The following LGMN variants were observed in gnomAD, a reference collection of about 807,000 sequenced individuals.
The protein encoded by LGMN is asparaginyl endopeptidase.
In LGMN, 36 loss-of-function variants were observed where a neutral mutation model predicts 56.8. The ratio of observed to expected loss-of-function variants is 0.63; its 90% CI spans 0.49 to 0.84. The LOEUF is 0.84. LGMN is among the 40% of genes least tolerant of loss of function. LGMN has a pLI of 0.00. For missense variants in LGMN, 446 were observed against 556.1 expected (o/e 0.80, Z 1.99); for synonymous variants, 199 against 210.1 (o/e 0.95, Z 0.46).
intron 2 of LGMN, among the ~76,000 whole-genome samples, chr14:92,730,548 T>A (rs980799471): frequency 2.6e-5 from 4 of 152,210 alleles, no homozygotes; most frequent in Non-Finnish European, 4.4e-5. Flanking sequence ...CACTTCAGCC[T>A]CCAGAGTAGC....
chr14:92,742,292 C>CTTTTTTTTTTTTTTTTTT lies in LGMN; in HGVS notation c.-30+6196_-30+6197insAAAAAAAAAAAAAAAAAA, dbSNP rs756259014. ...AAATGTCTTGCTGTTTTTTGTTTTG[C>CTTTTTTTTTTTTTTTTTT]TTTTTTTTTTTTTCTTTTTTTTTGA... On this transcript the variant is annotated intron_variant, in intron 1 of 13. Coordinates refer to ENST00000334869, the MANE Select transcript of LGMN (RefSeq NM_005606.7). Among the ~76,000 whole-genome samples the CTTTTTTTTTTTTTTTTTT allele has an allele frequency of 2.4e-5, 2 of 84,014 alleles. 1 individual carries two copies. The allele number at this position is 84,014 out of a possible 152,430, so 55.1% of individuals were successfully genotyped here.
At chr14:92,723,208 G>T (rs1890571169) in intron 2 of LGMN, among the ~76,000 whole-genome samples, 1 of 151,978 alleles carries the variant, frequency 6.6e-6, no homozygotes, top group South Asian at 2.1e-4. Context: ...CACCACACCT[G>T]GCTAATTTTT....
chr14:92,728,883 C>T (rs1342492801), intron 2 of LGMN, among the ~76,000 whole-genome samples: 1 of 152,100 alleles, frequency 6.6e-6, no homozygotes, highest in Non-Finnish European at 1.5e-5. Context: ...AGGACCTATC[C>T]TCTTGGGTTG....
At chr14:92,704,558 G>T in intron 13 of LGMN, 82 bp downstream of exon 13, 1 of 1,264,328 alleles carries the variant, frequency 7.9e-7, no homozygotes, top group Non-Finnish European at 1.2e-6. Context: ...AAGTGAAAAT[G>T]CCCACTTGCA....
rs188330204 is a variant in LGMN at position 92,730,616 on chromosome 14, G to A, written c.138+2033C>T. On this transcript the variant is annotated intron_variant, in intron 2 of 13. Transcript: ENST00000334869. ...TATTAATTTTTTATATTGATTACAT[G>A]TTGAAATGATAATGGTTTGGAAATA... Among the ~76,000 whole-genome samples the A allele has an allele frequency of 8.5e-5, 13 of 152,206 alleles. No individual in the cohort carries two copies. The East Asian group carries it at 1.9e-3, about 23-fold the overall frequency.
chr14:92,713,858 T>C lies in LGMN; in HGVS notation c.508A>G (p.Ile170Val), dbSNP rs1595533064. Reference protein sequence around the residue: ...DLHVKDLNETIHYMYKHKMYR... With the variant: ...DLHVKDLNETVHYMYKHKMYR... ...ATTTTGTGTTTGTACATGTAATGGA[T>C]GGTCTCATTCAGGTCCTTTACATGA... is the stretch of plus-strand genomic sequence containing the variant. The change falls in exon 7 of 14, where the codon ATC becomes GTC. Residue 170 changes from isoleucine (I) to valine (V), a missense_variant. Ile to Val is a conservative substitution (Grantham distance 29, BLOSUM62 3). Transcript: ENST00000334869. 2 of 1,613,534 alleles carry C rather than the reference T, an allele frequency of 1.2e-6. No individual in the cohort carries two copies. The highest frequency in any genetic ancestry group is 1.6e-4 in the Middle Eastern group (1 of 6,062).
At chr14:92,735,144 A>G (rs1891238399) in intron 1 of LGMN, among the ~76,000 whole-genome samples, 1 of 151,894 alleles carries the variant, frequency 6.6e-6, no homozygotes, top group Non-Finnish European at 1.5e-5. Flanking sequence ...TTGAATATGC[A>G]CCTAGGTCAC....
chr14:92,736,659 T>C lies in LGMN; in HGVS notation c.-29-3844A>G, dbSNP rs73334249. 5.5e-3 allele frequency among the ~76,000 whole-genome samples: 832 copies of C among 152,276 alleles called. 6 individuals carry two copies. The highest frequency in any genetic ancestry group is 0.018 in the African/African-American group (767 of 41,544). On this transcript the variant is annotated intron_variant, in intron 1 of 13. Coordinates refer to ENST00000334869, the MANE Select transcript of LGMN (RefSeq NM_005606.7). The stretch of plus-strand genomic sequence containing the variant: ...TAAAAATGCTTTTGTTCTTAAGATA[T>C]AGGGACATCAGGACCTTTCCTGGGT...
intron 1 of LGMN, among the ~76,000 whole-genome samples, chr14:92,746,099 G>T (rs1351501279): frequency 6.6e-6 from 1 of 152,064 alleles, no homozygotes; most frequent in Non-Finnish European, 1.5e-5. Flanking sequence ...GCGATTACAG[G>T]CACGAGCCAC....
rs1201766480 is a variant in LGMN at position 92,704,107 on chromosome 14, C to T, written c.*212G>A. The T allele has an allele frequency of 1.4e-6, 1 of 712,896 alleles. No homozygotes were observed. The highest frequency in any genetic ancestry group is 2.0e-5 in the Admixed American group (1 of 50,030). The allele number at this position is 712,896 out of a possible 1,614,324, so 44.2% of individuals were successfully genotyped here. Reference sequence around the variant, plus strand: ...GACCCTTCTCAATACAGAGCTTTTCCCACCCTAATTTGTAGTTTTTCAGAA... The same window carrying T: ...GACCCTTCTCAATACAGAGCTTTTCTCACCCTAATTTGTAGTTTTTCAGAA... On this transcript the variant is annotated 3_prime_UTR_variant, in exon 14 of 14. Coordinates refer to ENST00000334869, the MANE Select transcript of LGMN (RefSeq NM_005606.7).
At chr14:92,708,087 G>A (rs1241175472) in intron 11 of LGMN, among the ~76,000 whole-genome samples, 2 of 151,306 alleles carry the variant, frequency 1.3e-5, no homozygotes, top group Non-Finnish European at 2.9e-5. Context: ...GGAGGCAGAG[G>A]TTGCAGTGAG....
intron 2 of LGMN, among the ~76,000 whole-genome samples, chr14:92,725,631 A>G (rs1160035641): frequency 6.6e-6 from 1 of 151,600 alleles, no homozygotes; most frequent in Non-Finnish European, 1.5e-5. Context: ...GCTGGAGTGC[A>G]GTGGCACGAA....
Position 92,706,668 on chromosome 14 carries a change from G to C in LGMN, c.1021-15C>G. 6.4e-7 allele frequency: 1 copy of C among 1,553,322 alleles called. No homozygotes were observed. Among genetic ancestry groups the C allele is most frequent in the Non-Finnish European group, 8.8e-7 (1 of 1,136,872 alleles). ...AGGTGCCTGGCCTGGGGAGAAACGCGGCCTGTCAGAATGTGCCTCCCTGAA... is the reference window on the plus strand; with the variant it reads ...AGGTGCCTGGCCTGGGGAGAAACGCCGCCTGTCAGAATGTGCCTCCCTGAA... On this transcript the variant is annotated splice_polypyrimidine_tract_variant and intron_variant, in intron 11 of 13. Transcript: ENST00000334869.
chr14:92,718,703 C>A (rs373777412), intron 3 of LGMN, 44 bp downstream of exon 3: 27 of 1,319,128 alleles, frequency 2.0e-5, no homozygotes, highest in Non-Finnish European at 2.6e-5. Flanking sequence ...TTTTTAAATA[C>A]CCTGAAGTCC....
chr14:92,708,874 A>AAAAAAAAAAAAAAAAAAAAC (rs1889585415), intron 11 of LGMN, among the ~76,000 whole-genome samples: 1 of 150,384 alleles, frequency 6.6e-6, no homozygotes, highest in African/African-American at 2.4e-5. Flanking sequence ...AAAAAAAAAA[A>AAAAAAAAAAAAAAAAAAAAC]AAAAAAATCT....
chr14:92,736,287 T>C (rs1223100445), intron 1 of LGMN, among the ~76,000 whole-genome samples: 1 of 152,124 alleles, frequency 6.6e-6, no homozygotes, highest in Non-Finnish European at 1.5e-5. Context: ...CAAGAATCTA[T>C]GTTATTATCT....
At chr14:92,719,266 G>T (rs1312679) in intron 2 of LGMN, among the ~76,000 whole-genome samples, 1 of 9,908 alleles carries the variant, frequency 1.0e-4, no homozygotes, top group Non-Finnish European at 2.1e-4. Context: ...CACCGCCACC[G>T]CCGCCGCCGC....
At chr14:92,711,326 G>A (rs560786602) in intron 10 of LGMN, among the ~76,000 whole-genome samples, 1 of 152,330 alleles carries the variant, frequency 6.6e-6, no homozygotes, top group South Asian at 2.1e-4. Flanking sequence ...ATCCCTTGCT[G>A]CACACTAGGC....
At chr14:92,734,606 C>A (rs999355135) in intron 1 of LGMN, among the ~76,000 whole-genome samples, 2 of 151,522 alleles carry the variant, frequency 1.3e-5, no homozygotes, top group Non-Finnish European at 2.9e-5. Context: ...TAGCACTACA[C>A]TCCAGTCTGG....
Sources: gnomAD v4.1 joint callset for allele counts (sites outside exome capture counted in the v4.1 genomes callset) on GRCh38, gnomAD v4.1.1 for gene constraint, MANE v1.5 for transcripts, NCBI Gene and HGNC (gene_info 2026-07-23, HGNC 2026-07-21) for gene names.